Variants in URGCP observed in about 807,000 individuals in gnomAD.
URGCP encodes the protein upregulator of cell proliferation, also known as up-regulator of cell proliferation.
Under a neutral mutation model 24.6 loss-of-function variants are expected in URGCP, and 13 were observed. The observed-to-expected ratio is 0.53, with a 90% CI of 0.34 to 0.84. The LOEUF is 0.84. Ranked by LOEUF, URGCP falls within the 40% of genes least tolerant of loss-of-function variation. The pLI, the probability that URGCP is intolerant of heterozygous loss-of-function variation, is 0.01. For synonymous variants in URGCP, 444 were observed against 487.2 expected (o/e 0.91, Z 1.17); for missense variants, 899 against 1,194.3 (o/e 0.75, Z 3.64).
intron 1 of URGCP, among the ~76,000 whole-genome samples, chr7:43,897,280 G>A (rs528396887): frequency 6.6e-6 from 1 of 152,332 alleles, no homozygotes; most frequent in South Asian, 2.1e-4. Context: ...AGAAAACAAG[G>A]CACAGGCCAA....
Position 43,878,927 on chromosome 7 carries a change from G to A in URGCP, c.536C>T (p.Thr179Met), listed in dbSNP as rs565422675. ...YSFSELPTPD[T>M]PVNPLDLLCA... ...GAGAAGGTCTAAGGGGTTCACTGGC[G>A]TATCAGGGGTGGGCAGCTCAGAAAA... Residue 179 changes from threonine to methionine, a missense_variant, in exon 6 of 6, where the codon ACG becomes ATG. Coordinates refer to ENST00000453200, the MANE Select transcript of URGCP (RefSeq NM_001077663.3). The surrounding 1 kb of genome is among the most constrained non-coding windows in gnomAD (Gnocchi z 5.6). 39 of 1,614,248 alleles carry A rather than the reference G, an allele frequency of 2.4e-5. 1 individual carries two copies. The East Asian group carries it at 4.9e-4, about 20-fold the overall frequency.
chr7:43,926,547 G>T, upstream of URGCP: 2 of 1,569,900 alleles, frequency 1.3e-6, no homozygotes, highest in Non-Finnish European at 1.7e-6. Flanking sequence ...CGCTAAAGCG[G>T]ATCCAGAAGG....
upstream of URGCP, among the ~76,000 whole-genome samples, chr7:43,909,223 C>T: frequency 6.6e-6 from 1 of 152,170 alleles, no homozygotes; most frequent in Non-Finnish European, 1.5e-5. Context: ...CACTAATATA[C>T]ATATACTTAA....
At chr7:43,898,791 T>TAAA (rs1562583091) in intron 1 of URGCP, among the ~76,000 whole-genome samples, 29 of 71,000 alleles carry the variant, frequency 4.1e-4, no homozygotes, top group East Asian at 1.1e-3. Context: ...ATAAATAAAT[T>TAAA]TATTTTAATT....
intron 1 of URGCP, among the ~76,000 whole-genome samples, chr7:43,925,833 C>T (rs2095929307): frequency 8.4e-6 from 1 of 118,500 alleles, no homozygotes; most frequent in African/African-American, 3.1e-5. Flanking sequence ...ATGTTGGTTG[C>T]AACCTATTAA....
At chr7:43,909,603 G>T (rs1331813414), upstream of URGCP, among the ~76,000 whole-genome samples, 3 of 152,038 alleles carry the variant, frequency 2.0e-5, no homozygotes, top group African/African-American at 7.2e-5. Flanking sequence ...GCGTGTGCCT[G>T]TAGTCCCAGC....
chr7:43,877,731 C>A lies in URGCP; in HGVS notation c.1732G>T (p.Ala578Ser). ...GGAGGCTGTCTCAGTCGCGGCTGGGCCACCCGTGCCAGGCCCCACTCCATC... is the reference window on the plus strand; with the variant it reads ...GGAGGCTGTCTCAGTCGCGGCTGGGACACCCGTGCCAGGCCCCACTCCATC... The part of the protein sequence containing the change: ...RWMEWGLARV[A>S]QPRLRQPPET... Residue 578 changes from alanine to serine, a missense_variant, in exon 6 of 6, where the codon GCC (alanine) becomes TCC (serine). Physicochemically the swap from Ala to Ser is moderately conservative, Grantham distance 99. Transcript: ENST00000453200. 1 of 1,609,220 alleles carries A rather than the reference C, an allele frequency of 6.2e-7. No individual in the cohort carries two copies. The highest frequency in any genetic ancestry group is 8.5e-7 in the Non-Finnish European group (1 of 1,178,000).
intron 1 of URGCP, among the ~76,000 whole-genome samples, chr7:43,916,628 G>A (rs1226635440): frequency 6.6e-6 from 1 of 151,914 alleles, no homozygotes; most frequent in Non-Finnish European, 1.5e-5. Context: ...TGGCATAAAT[G>A]AGGTCTAGGG....
rs2132674516 is a variant in URGCP, at chr7:43,890,217, T to C, written c.15-2401A>G. On this transcript the variant is annotated intron_variant, in intron 1 of 5. Transcript: ENST00000453200. ...ACCACGCCCGGCCACTGGAAACTTTTTTTTTTTTTTTTTTTGAGACAGAGT... is the reference window on the plus strand; with the variant it reads ...ACCACGCCCGGCCACTGGAAACTTTCTTTTTTTTTTTTTTTGAGACAGAGT... Among the ~76,000 whole-genome samples the C allele has an allele frequency of 1.4e-5, 2 of 145,934 alleles. 1 individual carries two copies. The highest frequency in any genetic ancestry group is 4.5e-4 in the South Asian group (2 of 4,468).
At chr7:43,881,148 T>A in intron 5 of URGCP, 1 of 699,502 alleles carries the variant, frequency 1.4e-6, no homozygotes. Flanking sequence ...TGTCCAGACA[T>A]GGAATAACTT....
chr7:43,876,910 C>T lies in URGCP; in HGVS notation c.2553G>A (p.Gln851=), dbSNP rs575761362. 7 of 1,613,910 alleles carry T rather than the reference C, an allele frequency of 4.3e-6. No homozygotes were observed. The highest frequency in any genetic ancestry group is 1.7e-5 in the Admixed American group (1 of 60,006). The part of the protein sequence containing the change: ...PPGDLSRAAA[Q]MEKQGDGFRA... ...GGAAGCCGTCGCCCTGTTTCTCCATCTGGGCTGCAGCCCTGCTCAGGTCAC... is the reference window on the plus strand; with the variant it reads ...GGAAGCCGTCGCCCTGTTTCTCCATTTGGGCTGCAGCCCTGCTCAGGTCAC... Residue 851 remains glutamine (Q), a synonymous_variant, in exon 6 of 6, where the codon CAG becomes CAA. Coordinates refer to ENST00000453200, the MANE Select transcript of URGCP (RefSeq NM_001077663.3).
At chr7:43,906,702 G>C (rs369470114), upstream of URGCP, 3 of 955,956 alleles carry the variant, frequency 3.1e-6, no homozygotes, top group South Asian at 9.9e-5. Context: ...GTGGAGGTGG[G>C]GTGAGGTGGG....
intron 1 of URGCP, among the ~76,000 whole-genome samples, chr7:43,890,093 CA>C (rs1294965005): frequency 6.6e-6 from 1 of 151,232 alleles, no homozygotes; most frequent in Non-Finnish European, 1.5e-5. Context: ...TTAATAGAGA[CA>C]GGGTTTCACC....
chr7:43,887,987 TGA>T (rs2095864574), intron 1 of URGCP, 171 bp from the exon 2 acceptor site: 1 of 585,126 alleles, frequency 1.7e-6, no homozygotes, highest in African/African-American at 1.9e-5. Flanking sequence ...AGATGCTGGA[TGA>T]GATATTAGGG....
At chr7:43,912,098 A>G (rs2095910685) in intron 1 of URGCP, among the ~76,000 whole-genome samples, 1 of 152,206 alleles carries the variant, frequency 6.6e-6, no homozygotes, top group Non-Finnish European at 1.5e-5. Context: ...TATATTTAAA[A>G]CAAAGAAAGA....
intron 1 of URGCP, chr7:43,888,107 A>C (rs1442062988): frequency 3.0e-5 from 9 of 299,942 alleles, no homozygotes; most frequent in Non-Finnish European, 5.5e-5. Flanking sequence ...GTATATATAC[A>C]GAACTCTAGA....
chr7:43,893,046 G>A (rs2095873384), intron 1 of URGCP, among the ~76,000 whole-genome samples: 1 of 152,060 alleles, frequency 6.6e-6, no homozygotes, highest in Non-Finnish European at 1.5e-5. Context: ...AAATAAAGCT[G>A]GGTATGATGG....
At chr7:43,919,800 C>A in intron 1 of URGCP, 2 of 1,299,286 alleles carry the variant, frequency 1.5e-6, no homozygotes, top group East Asian at 2.3e-5. Context: ...TCCTTACCTG[C>A]CCTTGGCCCA....
At chr7:43,883,290 T>C (rs1348616271) in intron 3 of URGCP, among the ~76,000 whole-genome samples, 3 of 145,426 alleles carry the variant, frequency 2.1e-5, no homozygotes, top group African/African-American at 7.5e-5. Flanking sequence ...CAAGAAAAAG[T>C]AACACCTAGG....
Sources: gnomAD v4.1 joint callset for allele counts (sites outside exome capture counted in the v4.1 genomes callset) on GRCh38, gnomAD v4.1.1 for gene constraint, Gnocchi (gnomAD v3.1) non-coding constraint, MANE v1.5 for transcripts, NCBI Gene and HGNC (gene_info 2026-07-23, HGNC 2026-07-21) for gene names.